HTATIP2: variants seen among roughly 807,000 people sequenced by gnomAD.
HTATIP2 encodes protein HTATIP2.
In HTATIP2, 26 loss-of-function variants were observed where a neutral mutation model predicts 24.7. The ratio of observed to expected loss-of-function variants is 1.05; its 90% confidence interval spans 0.77 to 1.46. The LOEUF (loss-of-function observed/expected upper bound fraction) is 1.46, where lower values mean the gene tolerates loss of function less well. Among genes scored for constraint, HTATIP2 ranks in the 40% most tolerant of loss-of-function variants. The pLI, the probability that HTATIP2 is intolerant of heterozygous loss-of-function variation, is 0.00. For synonymous variants in HTATIP2, 99 were observed against 113.2 expected, an observed-to-expected ratio of 0.87 and a Z score of 0.79; for missense variants, 284 against 289.6, an observed-to-expected ratio of 0.98 and a Z score of 0.14.
At chr11:20,365,264 C>T (rs544529493) in intron 1 of HTATIP2, among the ~76,000 whole-genome samples, 4 of 152,322 alleles carry the variant, frequency 2.6e-5, no homozygotes, top group South Asian at 4.1e-4. Context: ...GCTGCGATTA[C>T]AGGCGTGAGC....
intron 3 of HTATIP2, among the ~76,000 whole-genome samples, chr11:20,381,294 G>C (rs1848518253): frequency 6.6e-6 from 1 of 151,964 alleles, no homozygotes; most frequent in Non-Finnish European, 1.5e-5. Context: ...ACAAAAATTA[G>C]CCAGGCATAA....
chr11:20,367,634 A>C, intron 2 of HTATIP2: 1 of 1,257,090 alleles, frequency 8.0e-7, no homozygotes, highest in Non-Finnish European at 1.0e-6. Flanking sequence ...TTTTCCCCTT[A>C]ATAAATGTTT....
At chr11:20,374,012 T>C (rs942224260) in intron 2 of HTATIP2, among the ~76,000 whole-genome samples, 3 of 152,046 alleles carry the variant, frequency 2.0e-5, no homozygotes, top group African/African-American at 7.2e-5. Flanking sequence ...GACTCGTGAG[T>C]AAAGAGGTAA....
intron 2 of HTATIP2, among the ~76,000 whole-genome samples, chr11:20,374,669 G>C: frequency 6.6e-6 from 1 of 152,170 alleles, no homozygotes; most frequent in Non-Finnish European, 1.5e-5. Context: ...TAATCTCTCT[G>C]TTTCAAGGCC....
intron 2 of HTATIP2, among the ~76,000 whole-genome samples, chr11:20,369,043 A>G (rs1319697770): frequency 6.6e-6 from 1 of 152,232 alleles, no homozygotes; most frequent in Admixed American, 6.5e-5. Flanking sequence ...CTTATACCAG[A>G]AAAGTGTTTT....
intron 2 of HTATIP2, chr11:20,367,662 G>T: frequency 1.7e-6 from 2 of 1,193,120 alleles, no homozygotes; most frequent in Non-Finnish European, 2.1e-6. Context: ...GAAATGTTCT[G>T]TCTCACTTGA....
At chr11:20,381,397 G>GC (rs1449968903) in intron 3 of HTATIP2, among the ~76,000 whole-genome samples, 1 of 152,070 alleles carries the variant, frequency 6.6e-6, no homozygotes, top group African/African-American at 2.4e-5. Flanking sequence ...CCAAGATCAT[G>GC]CCCTTGCACT....
chr11:20,374,482 T>A (rs1226325294), intron 2 of HTATIP2, among the ~76,000 whole-genome samples: 1 of 152,228 alleles, frequency 6.6e-6, no homozygotes, highest in Non-Finnish European at 1.5e-5. Flanking sequence ...CATACGTTTT[T>A]CAGCTTCTAG....
intron 1 of HTATIP2, 132 bp from the exon 2 acceptor site, chr11:20,367,042 A>T: frequency 3.8e-6 from 4 of 1,060,658 alleles, no homozygotes. Context: ...GGAGAAAAGG[A>T]ATTTGTAAAA....
chr11:20,363,835 C>CGCGGCG lies in HTATIP2; in HGVS notation c.-394_-389dup, dbSNP rs566196056. The CGCGGCG allele has an allele frequency of 2.1e-3, 2,561 of 1,245,242 alleles. 42 individuals carry two copies. In the African/African-American group the frequency reaches 0.036, roughly 17 times the overall value. The allele number at this position is 1,245,242 out of a possible 1,614,324, so 77.1% of individuals were successfully genotyped here. On this transcript the variant is annotated 5_prime_UTR_variant, in exon 1 of 5. Coordinates refer to ENST00000451739, the MANE Select transcript of HTATIP2 (RefSeq NM_001098522.2). ...TGATGGCCGGGCCTGCGGCGCTGAG[C>CGCGGCG]GCGGCGGCGGCGGCTGCTCTGGCGG...
In HTATIP2 at chr11:20,363,765, G is replaced by T. The variant is rs539440161; in HGVS notation, c.-473G>T. 2.4e-6 allele frequency: 3 copies of T among 1,237,916 alleles called. No homozygotes were observed. Among genetic ancestry groups the T allele is most frequent in the Non-Finnish European group, 3.0e-6 (3 of 986,994 alleles). The allele number at this position is 1,237,916 out of a possible 1,614,324, so 76.7% of individuals were successfully genotyped here. On this transcript the variant is annotated 5_prime_UTR_variant, in exon 1 of 5. Coordinates refer to ENST00000451739, the MANE Select transcript of HTATIP2 (RefSeq NM_001098522.2). ...ACCAAGCCGGGTAGGCGCTGTCTCC[G>T]TCGCCTCCAACCCCCCCGGTCCGAC...
rs1051776 is a variant in HTATIP2, at chr11:20,383,035, T to G, written c.559T>G (p.Phe187Val). The G allele has an allele frequency of 1.9e-6, 3 of 1,613,882 alleles. No individual in the cohort carries two copies. Among genetic ancestry groups the G allele is most frequent in the Admixed American group, 1.7e-5 (1 of 59,958 alleles). Reference protein sequence around the residue: ...SRPGEWLVRKFFGSLPDSWAS... With the variant: ...SRPGEWLVRKVFGSLPDSWAS... ...CCCAGGTGAATGGCTGGTTAGAAAG[T>G]TCTTTGGCTCCTTACCAGACTCTTG... Residue 187 changes from phenylalanine (F) to valine (V), a missense_variant, in exon 5 of 5, where the codon TTC (phenylalanine) becomes GTC (valine). Physicochemically the swap from Phe to Val is conservative, Grantham distance 50. Transcript: ENST00000451739.
chr11:20,365,784 A>G (rs2064694334), intron 1 of HTATIP2, among the ~76,000 whole-genome samples: 1 of 151,782 alleles, frequency 6.6e-6, no homozygotes, highest in Admixed American at 6.6e-5. Flanking sequence ...CAGCCTGGCC[A>G]ACATGGTGAA....
intron 2 of HTATIP2, among the ~76,000 whole-genome samples, chr11:20,371,593 G>A (rs1565182608): frequency 6.7e-6 from 1 of 150,010 alleles, no homozygotes; most frequent in Non-Finnish European, 1.5e-5. Context: ...CACCATGGCT[G>A]GCTAATTTTT....
chr11:20,367,214 C>T lies in HTATIP2; in HGVS notation c.236C>T (p.Ala79Val), dbSNP rs561104743. 1 of 1,614,084 alleles carries T rather than the reference C, an allele frequency of 6.2e-7. No homozygotes were observed. Among genetic ancestry groups the T allele is most frequent in the Admixed American group, 1.7e-5 (1 of 60,012 alleles). Residue 79 changes from alanine (A) to valine (V), a missense_variant, in exon 2 of 5, where the codon GCC becomes GTC. Coordinates refer to ENST00000451739, the MANE Select transcript of HTATIP2 (RefSeq NM_001098522.2). ...GACTTTGAAAAGTTGGATGACTACGCCTCTGCCTTTCAAGGTCATGATGTT... is the reference window on the plus strand; with the variant it reads ...GACTTTGAAAAGTTGGATGACTACGTCTCTGCCTTTCAAGGTCATGATGTT... ...VVDFEKLDDYASAFQGHDVGF... is the reference protein window; with the variant it reads ...VVDFEKLDDYVSAFQGHDVGF...
At chr11:20,375,718 G>C (rs180873387) in intron 2 of HTATIP2, among the ~76,000 whole-genome samples, 16 of 152,302 alleles carry the variant, frequency 1.1e-4, no homozygotes, top group Non-Finnish European at 1.9e-4. Context: ...GAAGATGCCA[G>C]AATTTATGGT....
rs900902008 is a variant in HTATIP2 at position 20,364,337 on chromosome 11, C to T, written c.100C>T (p.Leu34Phe). 1.2e-6 allele frequency: 2 copies of T among 1,613,754 alleles called. No individual in the cohort carries two copies. The highest frequency in any genetic ancestry group is 2.2e-5 in the South Asian group (2 of 91,022). Residue 34 changes from leucine (L) to phenylalanine (F), a missense_variant, in exon 1 of 5, where the codon CTC (leucine) becomes TTC (phenylalanine). Coordinates refer to ENST00000451739, the MANE Select transcript of HTATIP2 (RefSeq NM_001098522.2). ...LGASGETGRV[L>F]LKEILEQGLF... The stretch of plus-strand genomic sequence containing the variant: ...CGCCAGCGGAGAAACCGGCAGAGTG[C>T]TCTTAAAGGAAATCCTGGAGCAGGG...
intron 2 of HTATIP2, 165 bp downstream of exon 2, chr11:20,367,446 G>T: frequency 6.7e-7 from 1 of 1,491,734 alleles, no homozygotes. Flanking sequence ...CCTTTTAATA[G>T]TACTGATAAG....
At position 20,382,996 on chromosome 11, in the gene HTATIP2, A is replaced by G; in HGVS notation, c.520A>G (p.Arg174Gly). Residue 174 changes from arginine to glycine, a missense_variant, in exon 5 of 5, where the codon AGG (arginine) becomes GGG (glycine). By Grantham distance (125) the Arg-to-Gly change is moderately radical (BLOSUM62 -2). Coordinates refer to ENST00000451739, the MANE Select transcript of HTATIP2 (RefSeq NM_001098522.2). Reference sequence around the variant, plus strand: ...TTATTTTAGAGTTCTGTTATGTGATAGGCAAGAATCTCGCCCAGGTGAATG... The same window carrying G: ...TTATTTTAGAGTTCTGTTATGTGATGGGCAAGAATCTCGCCCAGGTGAATG... ...VFRPGVLLCDRQESRPGEWLV... is the reference protein window; with the variant it reads ...VFRPGVLLCDGQESRPGEWLV... 6.2e-7 allele frequency: 1 copy of G among 1,611,010 alleles called. No individual in the cohort carries two copies. The highest frequency in any genetic ancestry group is 8.5e-7 in the Non-Finnish European group (1 of 1,179,128).
Sources: gnomAD v4.1 joint callset for allele counts (sites outside exome capture counted in the v4.1 genomes callset) on GRCh38, gnomAD v4.1.1 for gene constraint, MANE v1.5 for transcripts, NCBI Gene and HGNC (gene_info 2026-07-23, HGNC 2026-07-21) for gene names.